Variants in GBE1 observed in about 807,000 individuals in gnomAD.
The protein encoded by GBE1 is 1,4-alpha-glucan-branching enzyme.
Under a neutral mutation model 88.8 loss-of-function variants are expected in GBE1, and 70 were observed. The ratio of observed to expected loss-of-function variants is 0.79; its 90% CI spans 0.65 to 0.96. The LOEUF (loss-of-function observed/expected upper bound fraction) is 0.96, where lower values mean the gene tolerates loss of function less well. Among genes scored for constraint, GBE1 ranks in the 40% least tolerant of loss-of-function variants. The pLI is 0.00. For missense variants in GBE1, 872 were observed against 871.0 expected (o/e 1.00, Z -0.01); for synonymous variants, 284 against 300.1 (o/e 0.95, Z 0.56).
At chr3:81,686,329 A>G (rs1705439053) in intron 2 of GBE1, among the ~76,000 whole-genome samples, 1 of 152,180 alleles carries the variant, frequency 6.6e-6, no homozygotes, top group Admixed American at 6.5e-5. Flanking sequence ...AAGAAAAGAT[A>G]CCTATATGGA....
intron 7 of GBE1, among the ~76,000 whole-genome samples, chr3:81,608,931 AG>A (rs985361415): frequency 5.3e-5 from 8 of 152,188 alleles, no homozygotes; most frequent in Admixed American, 5.2e-4. Flanking sequence ...AGCCTTCATA[AG>A]GAAACGTTGA....
At chr3:81,636,813 A>G (rs1704599325) in intron 7 of GBE1, among the ~76,000 whole-genome samples, 1 of 152,154 alleles carries the variant, frequency 6.6e-6, no homozygotes, top group Admixed American at 6.6e-5. Context: ...TACAGGTGTG[A>G]GCCGCCATGT....
chr3:81,651,392 G>A (rs367867975), intron 3 of GBE1, among the ~76,000 whole-genome samples: 3 of 152,134 alleles, frequency 2.0e-5, no homozygotes, highest in Admixed American at 6.5e-5. Context: ...GGTTTATGAC[G>A]GAGAGGCCAA....
At chr3:81,518,097 C>A (rs73125173) in intron 14 of GBE1, among the ~76,000 whole-genome samples, 35 of 151,434 alleles carry the variant, frequency 2.3e-4, no homozygotes, top group East Asian at 9.7e-4. Context: ...TTCCTCCCCC[C>A]CAAACCCCAA....
chr3:81,679,680 C>T (rs1705310436), intron 2 of GBE1, among the ~76,000 whole-genome samples: 1 of 152,136 alleles, frequency 6.6e-6, no homozygotes, highest in African/African-American at 2.4e-5. Flanking sequence ...ATAATTGTAA[C>T]TCTGATTATT....
At chr3:81,514,806 T>G (rs1156583267) in intron 14 of GBE1, among the ~76,000 whole-genome samples, 1 of 151,578 alleles carries the variant, frequency 6.6e-6, no homozygotes, top group Non-Finnish European at 1.5e-5. Context: ...AAGAAGAGCT[T>G]CACGGAAAAT....
At chr3:81,512,047 C>T (rs991857498) in intron 14 of GBE1, among the ~76,000 whole-genome samples, 1 of 151,892 alleles carries the variant, frequency 6.6e-6, no homozygotes, top group African/African-American at 2.4e-5. Flanking sequence ...TTTGCAGCAA[C>T]ATGGATGTAG....
intron 5 of GBE1, 98 bp downstream of exon 5, chr3:81,648,758 C>T (rs1576184580): frequency 3.1e-6 from 2 of 653,454 alleles, no homozygotes; most frequent in East Asian, 6.1e-5. Context: ...CATATTTAAT[C>T]TCCTAACACA....
At chr3:81,665,058 T>C (rs1171618719) in intron 3 of GBE1, among the ~76,000 whole-genome samples, 1 of 152,200 alleles carries the variant, frequency 6.6e-6, no homozygotes, top group African/African-American at 2.4e-5. Flanking sequence ...TGCAACAGTG[T>C]TTCATAATAG....
At chr3:81,501,728 G>A (rs1702589013) in intron 14 of GBE1, among the ~76,000 whole-genome samples, 1 of 115,456 alleles carries the variant, frequency 8.7e-6, no homozygotes, top group Non-Finnish European at 1.6e-5. Context: ...GACAGGGTCT[G>A]GCTGTCACCC....
At chr3:81,617,584 G>A (rs565256967) in intron 7 of GBE1, among the ~76,000 whole-genome samples, 1 of 151,918 alleles carries the variant, frequency 6.6e-6, no homozygotes, top group African/African-American at 2.4e-5. Context: ...TGGTTATGGT[G>A]TATAATTCTT....
intron 3 of GBE1, among the ~76,000 whole-genome samples, chr3:81,668,693 T>C (rs1705148119): frequency 6.6e-6 from 1 of 152,206 alleles, no homozygotes; most frequent in South Asian, 2.1e-4. Flanking sequence ...TACAGAGCCC[T>C]CTTTGAGAGG....
intron 1 of GBE1, among the ~76,000 whole-genome samples, chr3:81,709,679 A>C (rs1705829134): frequency 6.6e-6 from 1 of 152,206 alleles, no homozygotes; most frequent in Non-Finnish European, 1.5e-5. Flanking sequence ...CGTCCCATTT[A>C]GTAAAATTTC....
At chr3:81,614,102 A>T (rs1437527647) in intron 7 of GBE1, among the ~76,000 whole-genome samples, 3 of 151,994 alleles carry the variant, frequency 2.0e-5, no homozygotes, top group Admixed American at 1.3e-4. Context: ...GCAGCCTGAA[A>T]CTCCTGGGGT....
At chr3:81,664,379 T>G (rs1405691177) in intron 3 of GBE1, among the ~76,000 whole-genome samples, 4 of 143,190 alleles carry the variant, frequency 2.8e-5, no homozygotes, top group Non-Finnish European at 6.0e-5. Context: ...GCTTAAAGAA[T>G]GGTAAGGAAA....
At chr3:81,510,620 A>G (rs1702713116) in intron 14 of GBE1, among the ~76,000 whole-genome samples, 1 of 152,054 alleles carries the variant, frequency 6.6e-6, no homozygotes, top group Non-Finnish European at 1.5e-5. Flanking sequence ...ATGCATTTAA[A>G]AAATTGGGTA....
chr3:81,492,479 A>G (rs922868891), intron 15 of GBE1, among the ~76,000 whole-genome samples: 10 of 148,614 alleles, frequency 6.7e-5, no homozygotes, highest in Admixed American at 3.4e-4. Flanking sequence ...AAAGAAGGAG[A>G]AAAAAAAAAC....
intron 13 of GBE1, among the ~76,000 whole-genome samples, chr3:81,536,434 C>G (rs191782336): frequency 6.6e-6 from 1 of 151,018 alleles, no homozygotes; most frequent in Non-Finnish European, 1.5e-5. Context: ...ATGAAAAATA[C>G]AAAACAGCAT....
chr3:81,689,208 T>C (rs918613616), intron 2 of GBE1, among the ~76,000 whole-genome samples: 24 of 152,368 alleles, frequency 1.6e-4, no homozygotes, highest in Admixed American at 1.4e-3. Flanking sequence ...TATGTCATGC[T>C]GATACAGGCA....
Sources: allele counts gnomAD v4.1 joint callset (sites outside exome capture counted in the v4.1 genomes callset), GRCh38; gene constraint gnomAD v4.1.1; transcripts MANE v1.5; gene names NCBI Gene and HGNC (gene_info 2026-07-23, HGNC 2026-07-21).